FABP7: variants seen among roughly 807,000 people sequenced by gnomAD.
FABP7 encodes fatty acid-binding protein, brain.
In FABP7, 13 loss-of-function variants were observed where a neutral mutation model predicts 14.2. That is an observed-to-expected ratio of 0.91 (90% CI 0.59 to 1.45). The LOEUF (loss-of-function observed/expected upper bound fraction) is 1.45, where lower values mean the gene tolerates loss of function less well. FABP7 is among the 40% of genes most tolerant of loss of function. The pLI, the probability that FABP7 is intolerant of heterozygous loss-of-function variation, is 0.00. For missense variants in FABP7, 149 were observed against 157.6 expected (o/e 0.95, Z 0.29); for synonymous variants, 49 against 51.4 (o/e 0.95, Z 0.20).
At chr6:122,769,567 T>A in the FABP7 span, among the ~76,000 whole-genome samples, 7 of 152,248 alleles carry the variant, frequency 4.6e-5, no homozygotes, top group African/African-American at 1.7e-4. Flanking sequence ...TGTATTTGGT[T>A]TCAGAAACAC....
the FABP7 span, among the ~76,000 whole-genome samples, chr6:122,756,801 T>C: frequency 6.6e-6 from 1 of 152,222 alleles, no homozygotes; most frequent in Non-Finnish European, 1.5e-5. Context: ...CAACTTCTCA[T>C]CAGCACTTGA....
the FABP7 span, among the ~76,000 whole-genome samples, chr6:122,763,712 C>CA: frequency 1.3e-5 from 2 of 152,172 alleles, no homozygotes; most frequent in African/African-American, 4.8e-5. Flanking sequence ...CAAACAACCC[C>CA]ATCAACAAGT....
chr6:122,781,807 T>TGAGCCAAGAATGCACCC, intron 3 of FABP7: 3 of 688,894 alleles, frequency 4.4e-6, no homozygotes, highest in Non-Finnish European at 5.3e-6. Context: ...GGGGGTGCAT[T>TGAGCCAAGAATGCACCC]CTTGGCTCAC....
intron 2 of FABP7, 39 bp downstream of exon 2, chr6:122,780,502 A>C (rs2243372): frequency 1.3e-6 from 2 of 1,585,592 alleles, no homozygotes; most frequent in Non-Finnish European, 1.7e-6. Flanking sequence ...GGATGGGGAG[A>C]GGGGAATAAA....
chr6:122,766,715 C>A, the FABP7 span, among the ~76,000 whole-genome samples: 2 of 151,776 alleles, frequency 1.3e-5, no homozygotes, highest in Non-Finnish European at 2.9e-5. Flanking sequence ...TAGAAGCATT[C>A]CTGGAAAAAT....
intron 3 of FABP7, chr6:122,783,274 C>T: frequency 1.0e-6 from 1 of 985,406 alleles, no homozygotes; most frequent in Non-Finnish European, 1.2e-6. Flanking sequence ...GATTTTGGAA[C>T]AAGTCATTCC....
upstream of FABP7, among the ~76,000 whole-genome samples, chr6:122,777,753 G>A (rs891825987): frequency 6.6e-6 from 1 of 152,054 alleles, no homozygotes; most frequent in African/African-American, 2.4e-5. Flanking sequence ...GAGGGCTGAT[G>A]TGGGAGGATC....
the FABP7 span, among the ~76,000 whole-genome samples, chr6:122,761,167 T>C: frequency 6.6e-6 from 1 of 152,168 alleles, no homozygotes; most frequent in Non-Finnish European, 1.5e-5. Flanking sequence ...AACTGCTTCC[T>C]GAGGTATGAG....
chr6:122,766,132 C>T, the FABP7 span, among the ~76,000 whole-genome samples: 1 of 152,166 alleles, frequency 6.6e-6, no homozygotes, highest in Admixed American at 6.6e-5. Context: ...TTTAGAGGAT[C>T]AGCTACCAGT....
At position 122,781,215 on chromosome 6, in the gene FABP7, A is replaced by G. The variant is rs17848133; in HGVS notation, c.348+21A>G. 1,877 of 1,612,892 alleles carry G rather than the reference A, an allele frequency of 1.2e-3. 34 individuals are homozygous for G. In the East Asian group the frequency reaches 0.033, roughly 28 times the overall value. The stretch of plus-strand genomic sequence containing the variant: ...TTATGGTAAGTAATGACAATTCTCC[A>G]TTCTTCCTTGTTTTTTTCTCCTCTC... On this transcript the variant is annotated intron_variant, in intron 3 of 3. Transcript: ENST00000368444.
the FABP7 span, among the ~76,000 whole-genome samples, chr6:122,765,879 C>T: frequency 1.4e-4 from 22 of 151,922 alleles, no homozygotes; most frequent in African/African-American, 2.4e-4. Flanking sequence ...AGAATATACT[C>T]TTATTCTCTG....
At chr6:122,750,159 T>A in the FABP7 span, among the ~76,000 whole-genome samples, 1 of 152,182 alleles carries the variant, frequency 6.6e-6, no homozygotes, top group Non-Finnish European at 1.5e-5. Context: ...TAATAACTAA[T>A]GTTGAATATT....
chr6:122,768,061 G>A, the FABP7 span, among the ~76,000 whole-genome samples: 3 of 152,028 alleles, frequency 2.0e-5, no homozygotes, highest in Non-Finnish European at 4.4e-5. Flanking sequence ...CAAATGGGCA[G>A]GAGAACAGAC....
the FABP7 span, among the ~76,000 whole-genome samples, chr6:122,772,507 T>C: frequency 6.6e-6 from 1 of 152,256 alleles, no homozygotes; most frequent in African/African-American, 2.4e-5. Flanking sequence ...AACTTCCACC[T>C]CCTGGGTTCA....
At chr6:122,782,749 T>A (rs1780824158) in intron 3 of FABP7, 1 of 985,396 alleles carries the variant, frequency 1.0e-6, no homozygotes, top group Non-Finnish European at 1.2e-6. Context: ...CCTTGACTAC[T>A]GCAATCAGCA....
the FABP7 span, among the ~76,000 whole-genome samples, chr6:122,751,471 G>T: frequency 2.0e-5 from 3 of 152,152 alleles, no homozygotes; most frequent in African/African-American, 7.2e-5. Context: ...TCTATGCCGA[G>T]AAGTCTTCCT....
At chr6:122,750,033 C>T in the FABP7 span, among the ~76,000 whole-genome samples, 17 of 151,906 alleles carry the variant, frequency 1.1e-4, no homozygotes, top group Non-Finnish European at 1.9e-4. Flanking sequence ...AAATTGAACA[C>T]GGGAATTATG....
the FABP7 span, among the ~76,000 whole-genome samples, chr6:122,756,858 T>A: frequency 6.6e-6 from 1 of 152,186 alleles, no homozygotes; most frequent in African/African-American, 2.4e-5. Flanking sequence ...TGGCTTCTGA[T>A]ATATGACACT....
In FABP7 at chr6:122,781,369, C is replaced by G. The variant is rs78658325; in HGVS notation, c.348+175C>G. On this transcript the variant is annotated intron_variant, in intron 3 of 3. Transcript: ENST00000368444. ...GTAAAACAGGGGAAACAAAAAGATC[C>G]CAGTTAATTTTCTTCTTCAGCTCAA... 2.9e-3 allele frequency: 4,226 copies of G among 1,451,278 alleles called. 90 individuals are homozygous for G. In the East Asian group the frequency reaches 0.062, roughly 21 times the overall value. The allele number at this position is 1,451,278 out of a possible 1,614,324, so 89.9% of individuals were successfully genotyped here.
Sources: gnomAD v4.1 joint callset for allele counts (sites outside exome capture counted in the v4.1 genomes callset) on GRCh38, gnomAD v4.1.1 for gene constraint, MANE v1.5 for transcripts, NCBI Gene and HGNC (gene_info 2026-07-23, HGNC 2026-07-21) for gene names.